MYH14: variants seen among roughly 807,000 people sequenced by gnomAD.
MYH14 encodes the protein myosin heavy chain 14.
Under a neutral mutation model 255.5 loss-of-function variants are expected in MYH14, and 123 were observed. That is an observed-to-expected ratio of 0.48 (90% confidence interval 0.42 to 0.56). The LOEUF (loss-of-function observed/expected upper bound fraction) is 0.56. MYH14 is among the 20% of genes least tolerant of loss of function. The pLI is 0.00. For missense variants in MYH14, 2,423 were observed against 2,802.3 expected, an observed-to-expected ratio of 0.86 and a Z score of 3.06; for synonymous variants, 1,095 against 1,161.2, an observed-to-expected ratio of 0.94 and a Z score of 1.16.
Position 50,207,052 on chromosome 19 carries a change from G to GA in MYH14, c.-3-3286dup, listed in dbSNP as rs11334892. 3.2e-3 allele frequency among the ~76,000 whole-genome samples: 125 copies of GA among 38,618 alleles called. 3 individuals carry two copies. Among genetic ancestry groups the GA allele is most frequent in the Non-Finnish European group, 5.4e-3 (111 of 20,714 alleles). The allele number at this position is 38,618 out of a possible 152,430, so 25.3% of individuals were successfully genotyped here. ...ACATAGGGAGACCCTGTTTCTACCAGAAAAAAAAAAAAAAAAAAAAAAAAA... is the reference window on the plus strand; with the variant it reads ...ACATAGGGAGACCCTGTTTCTACCAGAAAAAAAAAAAAAAAAAAAAAAAAAA... On this transcript the variant is annotated intron_variant, in intron 1 of 42. Coordinates refer to ENST00000642316, the MANE Select transcript of MYH14 (RefSeq NM_001145809.2).
intron 30 of MYH14, 44 bp downstream of exon 30, chr19:50,278,333 G>C (rs1383226436): frequency 1.4e-6 from 2 of 1,406,548 alleles, no homozygotes; most frequent in East Asian, 2.5e-5. Flanking sequence ...GTGTGACCTT[G>C]GTGACATGCC....
Position 50,225,580 on chromosome 19 carries a change from G to C in MYH14, c.718-5G>C, listed in dbSNP as rs545741529. ...ACCTCATGCATCATCTCCTGTGCCCGGCAGGGTGAGCTGGAGCGGCAGCTG... is the reference window on the plus strand; with the variant it reads ...ACCTCATGCATCATCTCCTGTGCCCCGCAGGGTGAGCTGGAGCGGCAGCTG... On this transcript the variant is annotated splice_polypyrimidine_tract_variant and splice_region_variant and intron_variant, in intron 6 of 42. Transcript: ENST00000642316. The C allele has an allele frequency of 3.1e-6, 5 of 1,612,284 alleles. No homozygotes were observed. The highest frequency in any genetic ancestry group is 4.2e-6 in the Non-Finnish European group (5 of 1,179,308).
Position 50,310,443 on chromosome 19 carries a change from T to C in MYH14, c.*653T>C. ...CCCATGCTCTGCCCTCCCTTCTGGT[T>C]GCTCTGAGGGTTCGGAGCTTCCCTC... On this transcript the variant is annotated 3_prime_UTR_variant, in exon 43 of 43. Transcript: ENST00000642316. 6.5e-6 allele frequency: 1 copy of C among 153,546 alleles called. No individual in the cohort carries two copies. Among genetic ancestry groups the C allele is most frequent in the Non-Finnish European group, 1.5e-5 (1 of 68,964 alleles). The allele number at this position is 153,546 out of a possible 1,614,324, so 9.5% of individuals were successfully genotyped here. A position where few individuals can be genotyped will look rare whatever the true frequency, so the allele number is the denominator to read the frequency against.
In MYH14 at chr19:50,252,254, G is replaced by A. The variant is rs2034430166; in HGVS notation, c.1831-385G>A. Among the ~76,000 whole-genome samples, 1 of 152,214 alleles carries A rather than the reference G, an allele frequency of 6.6e-6. No individual in the cohort carries two copies. The highest frequency in any genetic ancestry group is 2.4e-5 in the African/African-American group (1 of 41,466). On this transcript the variant is annotated intron_variant, in intron 15 of 42. Transcript: ENST00000642316. The surrounding 1 kb of genome is among the most constrained non-coding windows in gnomAD (Gnocchi z 4.2). ...ATGGAGCCCCACAGCAAAGCCCTGA[G>A]TACCCAGAAGGAGCCAGTGGTGTGA...
At position 50,309,018 on chromosome 19, in the gene MYH14, A is replaced by G; in HGVS notation, c.5801A>G (p.Asn1934Ser). The G allele has an allele frequency of 6.2e-7, 1 of 1,612,354 alleles. No individual in the cohort carries two copies. Among genetic ancestry groups the G allele is most frequent in the South Asian group, 1.1e-5 (1 of 90,952 alleles). ...DQLRDQLEKG[N>S]LRVKQLKRQL... ...GCTTCCATCAAGCTGGAGAAGGGAA[A>G]CCTTCGAGTCAAGCAGCTGAAGCGG... The change falls in exon 42 of 43, where the codon AAC becomes AGC. Residue 1934 changes from asparagine to serine, a missense_variant. Coordinates refer to ENST00000642316, the MANE Select transcript of MYH14 (RefSeq NM_001145809.2).
chr19:50,277,002 C>T (rs2035535985), intron 29 of MYH14, 101 bp downstream of exon 29: 2 of 823,584 alleles, frequency 2.4e-6, no homozygotes, highest in Admixed American at 2.6e-5. Flanking sequence ...GCTAGCTCAT[C>T]TCCCTGGGCC....
At chr19:50,225,762 G>A (rs552052495) in intron 7 of MYH14, 85 bp downstream of exon 7, 12 of 1,042,704 alleles carry the variant, frequency 1.2e-5, no homozygotes, top group Admixed American at 7.8e-5. Context: ...GGAAAGACAC[G>A]TGGATCTGTT....
intron 27 of MYH14, among the ~76,000 whole-genome samples, chr19:50,272,956 G>T (rs1437633014): frequency 6.6e-6 from 1 of 152,158 alleles, no homozygotes; most frequent in Non-Finnish European, 1.5e-5. Flanking sequence ...GACTCTATGT[G>T]TCTGGTAACT....
At position 50,307,378 on chromosome 19, in the gene MYH14, G is replaced by C. The variant is rs372660770; in HGVS notation, c.5787+221G>C. Among the ~76,000 whole-genome samples the C allele has an allele frequency of 2.8e-4, 43 of 152,328 alleles. No homozygotes were observed. In the South Asian group the frequency reaches 7.5e-3, roughly 26 times the overall value. On this transcript the variant is annotated intron_variant, in intron 41 of 42. Transcript: ENST00000642316. ...AATGCTGGCATCTAGAAAGGGCCCT[G>C]TAGGGAGCTGAGGAAGCCAGGGCAA... is the stretch of plus-strand genomic sequence containing the variant.
chr19:50,239,337 C>G (rs1433475731), intron 10 of MYH14, among the ~76,000 whole-genome samples: 31 of 151,866 alleles, frequency 2.0e-4, no homozygotes. Flanking sequence ...CTCTTTTTTT[C>G]CTGGTCATCC....
intron 17 of MYH14, among the ~76,000 whole-genome samples, chr19:50,257,006 C>T (rs1408334330): frequency 1.3e-5 from 2 of 152,148 alleles, no homozygotes; most frequent in Non-Finnish European, 2.9e-5. Flanking sequence ...GAGATCATGT[C>T]CTTGAAGAGA....
chr19:50,300,427 C>T (rs1212682018), intron 39 of MYH14, among the ~76,000 whole-genome samples: 1 of 152,092 alleles, frequency 6.6e-6, no homozygotes, highest in Non-Finnish European at 1.5e-5. Flanking sequence ...TAATGTTTGG[C>T]TCTCTGTATC....
Position 50,245,435 on chromosome 19 carries a change from AG to A in MYH14, c.1210+1099del, listed in dbSNP as rs1568492977. 1.1e-3 allele frequency among the ~76,000 whole-genome samples: 138 copies of A among 122,896 alleles called. 6 individuals carry two copies. The highest frequency in any genetic ancestry group is 2.8e-3 in the African/African-American group (94 of 33,322). 80.6% of individuals were successfully genotyped at this position (122,896 alleles called of 152,430 possible). ...AATCTGTCTCCAAAAAAAAAAAAGAAGAAGAAAGAAAGAAAAAGAAGAAGAA... is the reference window on the plus strand; with the variant it reads ...AATCTGTCTCCAAAAAAAAAAAAGAAAAGAAAGAAAGAAAAAGAAGAAGAA... On this transcript the variant is annotated intron_variant, in intron 11 of 42. Transcript: ENST00000642316.
At chr19:50,228,284 T>C (rs975111998) in intron 8 of MYH14, among the ~76,000 whole-genome samples, 15 of 121,006 alleles carry the variant, frequency 1.2e-4, no homozygotes, top group Admixed American at 1.1e-3. Flanking sequence ...AGACTCTGTG[T>C]CAAAAAAAAA....
rs1389680083 is a variant in MYH14, at chr19:50,290,932, A to G, written c.5011A>G (p.Thr1671Ala). Residue 1671 changes from threonine (T) to alanine (A), a missense_variant, in exon 36 of 43, where the codon ACT (threonine) becomes GCT (alanine). By Grantham distance (58) the Thr-to-Ala change is moderately conservative. Transcript: ENST00000642316. The stretch of plus-strand genomic sequence containing the variant: ...GCGGGATGAGGAGCGGAAGCAGCGC[A>G]CTCTGGCCGTGGCTGCCCGCAAGAA... The part of the protein sequence containing the change: ...VERDEERKQR[T>A]LAVAARKKLE... 10 of 1,588,108 alleles carry G rather than the reference A, an allele frequency of 6.3e-6. No homozygotes were observed. The Admixed American group carries it at 7.2e-5, about 11-fold the overall frequency.
intron 7 of MYH14, 133 bp from the exon 8 acceptor site, chr19:50,226,770 A>C: frequency 1.3e-6 from 1 of 784,314 alleles, no homozygotes; most frequent in Admixed American, 2.1e-5. Context: ...GATGGGGTTC[A>C]GGTAGAGGGA....
chr19:50,231,933 A>ACCT lies in MYH14; in HGVS notation c.985_987dup (p.Leu329dup). ...ACCCCACTCATTGTCCCTGCAGCCG[A>ACCT]CCTCCTCCTCGAGCCCTGCTCCCAC... On this transcript the variant is annotated inframe_insertion, in exon 10 of 43. Coordinates refer to ENST00000642316, the MANE Select transcript of MYH14 (RefSeq NM_001145809.2). The ACCT allele has an allele frequency of 6.2e-7, 1 of 1,612,826 alleles. No individual in the cohort carries two copies. The highest frequency in any genetic ancestry group is 8.5e-7 in the Non-Finnish European group (1 of 1,179,640).
chr19:50,245,274 C>G (rs977901909), intron 11 of MYH14, among the ~76,000 whole-genome samples: 1 of 151,846 alleles, frequency 6.6e-6, no homozygotes, highest in African/African-American at 2.4e-5. Context: ...CAAAAATTAA[C>G]TGGGAATGGT....
intron 40 of MYH14, among the ~76,000 whole-genome samples, chr19:50,303,964 A>G: frequency 6.6e-6 from 1 of 152,224 alleles, no homozygotes; most frequent in East Asian, 1.9e-4. Flanking sequence ...CTCTTCCAAT[A>G]CAATAGATTT....
Sources: allele counts gnomAD v4.1 joint callset (sites outside exome capture counted in the v4.1 genomes callset), GRCh38; gene constraint gnomAD v4.1.1; non-coding constraint Gnocchi (gnomAD v3.1); transcripts MANE v1.5; gene names NCBI Gene and HGNC (gene_info 2026-07-23, HGNC 2026-07-21).